The following TMEM131L variants were observed in gnomAD, a reference collection of about 807,000 sequenced individuals.
The protein encoded by TMEM131L is transmembrane protein 131-like.
In TMEM131L, 54 loss-of-function variants were observed where a neutral mutation model predicts 192.2. That is an observed-to-expected ratio of 0.28 (90% CI 0.23 to 0.35). TMEM131L has a LOEUF of 0.35. Ranked by LOEUF, TMEM131L falls within the 10% of genes least tolerant of loss-of-function variation. TMEM131L has a pLI of 1.00. For synonymous variants in TMEM131L, 701 were observed against 704.9 expected (o/e 0.99, Z 0.09); for missense variants, 1,888 against 1,972.9 (o/e 0.96, Z 0.82).
chr4:153,505,342 G>A (rs1260397852), intron 3 of TMEM131L, among the ~76,000 whole-genome samples: 1 of 151,910 alleles, frequency 6.6e-6, no homozygotes, highest in African/African-American at 2.4e-5. Context: ...TCCTGACCTC[G>A]TGATCCACCC....
intron 3 of TMEM131L, among the ~76,000 whole-genome samples, chr4:153,492,614 C>T (rs947387884): frequency 1.3e-5 from 2 of 152,172 alleles, no homozygotes; most frequent in Non-Finnish European, 2.9e-5. Flanking sequence ...GCCTGCTAGA[C>T]AGCCCCTGAA....
At chr4:153,490,479 A>G (rs1732689274) in intron 3 of TMEM131L, among the ~76,000 whole-genome samples, 1 of 152,078 alleles carries the variant, frequency 6.6e-6, no homozygotes, top group Non-Finnish European at 1.5e-5. Context: ...GCCTTATTTT[A>G]ATTTGAAAGT....
intron 31 of TMEM131L, 45 bp from the exon 32 acceptor site, chr4:153,632,673 G>A (rs1212175941): frequency 6.2e-7 from 1 of 1,611,382 alleles, no homozygotes; most frequent in African/African-American, 1.3e-5. Context: ...TAGGATGAGG[G>A]CCAGGTGAGG....
chr4:153,603,626 A>G, intron 24 of TMEM131L, 174 bp downstream of exon 24: 2 of 988,592 alleles, frequency 2.0e-6, no homozygotes, highest in Non-Finnish European at 2.9e-6. Flanking sequence ...GTCTCCATGC[A>G]AGGACTTAGT....
intron 3 of TMEM131L, among the ~76,000 whole-genome samples, chr4:153,499,723 C>G (rs1733456213): frequency 6.6e-6 from 1 of 152,208 alleles, no homozygotes; most frequent in Admixed American, 6.5e-5. Flanking sequence ...CCGTGCCCAG[C>G]CCCTTATGAC....
intron 3 of TMEM131L, among the ~76,000 whole-genome samples, chr4:153,484,623 C>T (rs1445806451): frequency 6.7e-6 from 1 of 150,172 alleles, no homozygotes; most frequent in Non-Finnish European, 1.5e-5. Flanking sequence ...CGCCCGCCAC[C>T]ACGCCCAGCT....
intron 3 of TMEM131L, among the ~76,000 whole-genome samples, chr4:153,533,016 G>A (rs561310691): frequency 1.5e-4 from 21 of 138,332 alleles, no homozygotes; most frequent in African/African-American, 4.5e-4. Flanking sequence ...ACAGAGTTTC[G>A]TTCTTGTTGC....
At chr4:153,606,333 GCTT>G (rs764792959) in intron 25 of TMEM131L, among the ~76,000 whole-genome samples, 74 of 152,304 alleles carry the variant, frequency 4.9e-4, no homozygotes, top group African/African-American at 1.8e-3. Context: ...CTCCAGAAGT[GCTT>G]CTTCTGTGAT....
chr4:153,489,655 T>A (rs1448278853), intron 3 of TMEM131L, among the ~76,000 whole-genome samples: 1 of 152,116 alleles, frequency 6.6e-6, no homozygotes, highest in Non-Finnish European at 1.5e-5. Context: ...TTTTTGTATT[T>A]TTAGTAGAGA....
chr4:153,506,841 T>TC (rs1332544435), intron 3 of TMEM131L, among the ~76,000 whole-genome samples: 2 of 105,280 alleles, frequency 1.9e-5, no homozygotes, highest in Admixed American at 1.2e-4. Flanking sequence ...AGACTCTGTA[T>TC]CCAAAAAAAA....
At chr4:153,498,611 A>T (rs765790436) in intron 3 of TMEM131L, among the ~76,000 whole-genome samples, 1 of 152,136 alleles carries the variant, frequency 6.6e-6, no homozygotes, top group Non-Finnish European at 1.5e-5. Flanking sequence ...TCTTCACAAG[A>T]TGCAAATGTT....
At chr4:153,579,742 G>A (rs957120911) in intron 7 of TMEM131L, among the ~76,000 whole-genome samples, 1 of 152,068 alleles carries the variant, frequency 6.6e-6, no homozygotes, top group African/African-American at 2.4e-5. Context: ...CAAAGTGCTG[G>A]GATTACAGAT....
chr4:153,561,073 C>A (rs191482255), intron 7 of TMEM131L, among the ~76,000 whole-genome samples: 86 of 152,274 alleles, frequency 5.6e-4, no homozygotes, highest in African/African-American at 1.9e-3. Context: ...TTTTAAATAG[C>A]CATCTTACTG....
chr4:153,516,764 C>G (rs1734760717), intron 3 of TMEM131L, among the ~76,000 whole-genome samples: 1 of 152,090 alleles, frequency 6.6e-6, no homozygotes, highest in Non-Finnish European at 1.5e-5. Context: ...TTGTCAGTTT[C>G]TTACGAGCCT....
chr4:153,584,320 T>C (rs1730560357), intron 11 of TMEM131L, among the ~76,000 whole-genome samples: 1 of 152,220 alleles, frequency 6.6e-6, no homozygotes, highest in African/African-American at 2.4e-5. Context: ...AAGGTAGATT[T>C]TATTTTCACA....
intron 3 of TMEM131L, among the ~76,000 whole-genome samples, chr4:153,539,092 A>G (rs2150315486): frequency 6.6e-6 from 1 of 152,340 alleles, no homozygotes; most frequent in Non-Finnish European, 1.5e-5. Context: ...GGAAAGAAAC[A>G]GTGAGATCTT....
At chr4:153,583,476 C>T in intron 10 of TMEM131L, 88 bp from the exon 11 acceptor site, 1 of 924,794 alleles carries the variant, frequency 1.1e-6, no homozygotes, top group Non-Finnish European at 1.8e-6. Context: ...TATGGCTGGT[C>T]TGTGCTATTT....
intron 3 of TMEM131L, among the ~76,000 whole-genome samples, chr4:153,537,957 A>G (rs1358517487): frequency 6.6e-6 from 1 of 152,062 alleles, no homozygotes; most frequent in Non-Finnish European, 1.5e-5. Context: ...TTCTCTTCTG[A>G]TTTTGCAAGA....
chr4:153,621,733 C>T lies in TMEM131L; in HGVS notation c.3743C>T (p.Ser1248Phe). Residue 1248 changes from serine (S) to phenylalanine (F), a missense_variant, in exon 28 of 35, where the codon TCT (serine) becomes TTT (phenylalanine). Coordinates refer to ENST00000409959, the MANE Select transcript of TMEM131L (RefSeq NM_001131007.2). ...CTTGTGTGCAGTGACTTTGAGAGGTCTGAGCTGAGCAGTGACATCAATGTA... is the reference window on the plus strand; with the variant it reads ...CTTGTGTGCAGTGACTTTGAGAGGTTTGAGCTGAGCAGTGACATCAATGTA... ...LKLVCSDFER[S>F]ELSSDINVRS... 1 of 1,614,034 alleles carries T rather than the reference C, an allele frequency of 6.2e-7. No individual in the cohort carries two copies. Among genetic ancestry groups the T allele is most frequent in the Non-Finnish European group, 8.5e-7 (1 of 1,180,008 alleles).
Sources: allele counts gnomAD v4.1 joint callset (sites outside exome capture counted in the v4.1 genomes callset), GRCh38; gene constraint gnomAD v4.1.1; transcripts MANE v1.5; gene names NCBI Gene and HGNC (gene_info 2026-07-23, HGNC 2026-07-21).